The following RBFOX2 variants were observed in gnomAD, a reference collection of about 807,000 sequenced individuals.
RBFOX2 encodes the protein RNA binding protein fox-1 homolog 2.
In RBFOX2, 10 loss-of-function variants were observed where a neutral mutation model predicts 49.1. The observed-to-expected ratio is 0.20, with a 90% CI of 0.13 to 0.35. The LOEUF is 0.35. Among genes scored for constraint, RBFOX2 ranks in the 10% least tolerant of loss-of-function variants. The probability of loss-of-function intolerance (pLI) is 1.00; values close to 1 mark genes in which losing one functional copy is unlikely to be tolerated. For missense variants in RBFOX2, 323 were observed against 486.9 expected, an observed-to-expected ratio of 0.66 and a Z score of 3.17; for synonymous variants, 183 against 187.4, an observed-to-expected ratio of 0.98 and a Z score of 0.19.
At chr22:36,017,651 C>G (rs987222508) in intron 1 of RBFOX2, among the ~76,000 whole-genome samples, 1 of 152,196 alleles carries the variant, frequency 6.6e-6, no homozygotes, top group African/African-American at 2.4e-5. Context: ...GTAATACATG[C>G]GAACTGCTAC....
At chr22:35,810,659 C>T (rs1014003773) in intron 1 of RBFOX2, among the ~76,000 whole-genome samples, 4 of 152,080 alleles carry the variant, frequency 2.6e-5, no homozygotes, top group Non-Finnish European at 4.4e-5. Flanking sequence ...CAAAGTAAGT[C>T]CAAGTCTTTA....
intron 1 of RBFOX2, among the ~76,000 whole-genome samples, chr22:35,896,542 C>T (rs1197058052): frequency 6.6e-6 from 1 of 152,222 alleles, no homozygotes; most frequent in Non-Finnish European, 1.5e-5. Context: ...CTTTCACTCT[C>T]CCTACCTAAT....
intron 1 of RBFOX2, among the ~76,000 whole-genome samples, chr22:35,983,294 C>T (rs148843887): frequency 6.6e-4 from 101 of 152,258 alleles, no homozygotes; most frequent in African/African-American, 2.4e-3. Flanking sequence ...AGCTACTACC[C>T]GCCCCCTACC....
At chr22:35,829,578 G>C (rs995548897) in intron 1 of RBFOX2, among the ~76,000 whole-genome samples, 8 of 151,862 alleles carry the variant, frequency 5.3e-5, no homozygotes, top group Admixed American at 4.6e-4. Context: ...ACAGAGAGAG[G>C]GAGGGAAAAA....
At chr22:35,873,787 A>G (rs1224272149) in intron 1 of RBFOX2, among the ~76,000 whole-genome samples, 1 of 152,068 alleles carries the variant, frequency 6.6e-6, no homozygotes, top group African/African-American at 2.4e-5. Flanking sequence ...AATGGTTATC[A>G]TGCCTCAGTC....
intron 2 of RBFOX2, among the ~76,000 whole-genome samples, chr22:35,807,585 G>A (rs1951012896): frequency 6.6e-6 from 1 of 151,890 alleles, no homozygotes; most frequent in East Asian, 1.9e-4. Context: ...ATATTTTACG[G>A]TATGCAGCTA....
intron 1 of RBFOX2, among the ~76,000 whole-genome samples, chr22:35,827,969 T>C (rs1420068575): frequency 2.6e-5 from 4 of 152,056 alleles, no homozygotes; most frequent in Non-Finnish European, 5.9e-5. Flanking sequence ...GAGTTCGACC[T>C]GGCCAACAAG....
At chr22:35,878,434 C>T (rs896491854) in intron 1 of RBFOX2, among the ~76,000 whole-genome samples, 8 of 152,140 alleles carry the variant, frequency 5.3e-5, no homozygotes, top group African/African-American at 1.7e-4. Context: ...TACAGGGTCT[C>T]GCTCTGTCAC....
intron 1 of RBFOX2, among the ~76,000 whole-genome samples, chr22:35,825,720 C>T (rs1040161646): frequency 6.6e-6 from 1 of 152,152 alleles, no homozygotes; most frequent in African/African-American, 2.4e-5. Context: ...GTGGCTCACG[C>T]CTGTAATCCC....
At chr22:35,900,182 C>T (rs1321326538) in intron 1 of RBFOX2, among the ~76,000 whole-genome samples, 2 of 152,112 alleles carry the variant, frequency 1.3e-5, no homozygotes, top group African/African-American at 2.4e-5. Context: ...GGCATGATCT[C>T]GGCTCACTGC....
chr22:35,763,477 G>A (rs965132050), intron 6 of RBFOX2, among the ~76,000 whole-genome samples: 7 of 152,150 alleles, frequency 4.6e-5, no homozygotes, highest in East Asian at 1.9e-4. Context: ...CACGAGTATC[G>A]CTTGAACCCG....
intron 1 of RBFOX2, among the ~76,000 whole-genome samples, chr22:35,850,694 G>C (rs2041841030): frequency 6.6e-6 from 1 of 152,124 alleles, no homozygotes; most frequent in Admixed American, 6.5e-5. Flanking sequence ...ATTAAAAGCA[G>C]TAACAAACAT....
chr22:35,989,241 A>G (rs1463056865), intron 1 of RBFOX2, among the ~76,000 whole-genome samples: 2 of 152,246 alleles, frequency 1.3e-5, no homozygotes, highest in Non-Finnish European at 2.9e-5. Context: ...AGAAATATAT[A>G]TAACTTAAAA....
At chr22:35,878,782 G>A (rs1422999323) in intron 1 of RBFOX2, among the ~76,000 whole-genome samples, 1 of 152,028 alleles carries the variant, frequency 6.6e-6, no homozygotes, top group South Asian at 2.1e-4. Flanking sequence ...CCAGGCTGGA[G>A]TGCAGAGGCA....
At chr22:35,817,903 G>A (rs938819362) in intron 1 of RBFOX2, among the ~76,000 whole-genome samples, 5 of 151,336 alleles carry the variant, frequency 3.3e-5, no homozygotes, top group African/African-American at 1.2e-4. Context: ...GCAGTTACAG[G>A]CTTGGCCAAC....
intron 1 of RBFOX2, among the ~76,000 whole-genome samples, chr22:35,970,375 A>G (rs2056801133): frequency 6.6e-6 from 1 of 152,136 alleles, no homozygotes; most frequent in Non-Finnish European, 1.5e-5. Flanking sequence ...GTGGCTGGGC[A>G]TAGTGACTTA....
Position 35,817,368 on chromosome 22 carries a change from C to A in RBFOX2, c.28-7364G>T, listed in dbSNP as rs560830751. 3.4e-4 allele frequency among the ~76,000 whole-genome samples: 51 copies of A among 151,944 alleles called. 1 individual carries two copies. Among genetic ancestry groups the A allele is most frequent in the African/African-American group, 1.2e-3 (49 of 41,478 alleles). On this transcript the variant is annotated intron_variant, in intron 1 of 11. Coordinates refer to ENST00000405409, the Ensembl canonical transcript of RBFOX2. Reference sequence around the variant, plus strand: ...GGTGCACGTCTGTAATCCCAGCTACCTGGGAGGCTGAAGCACGAGAATCAC... The same window carrying A: ...GGTGCACGTCTGTAATCCCAGCTACATGGGAGGCTGAAGCACGAGAATCAC...
At chr22:35,915,968 A>G (rs367721476) in intron 1 of RBFOX2, among the ~76,000 whole-genome samples, 101 of 152,322 alleles carry the variant, frequency 6.6e-4, no homozygotes, top group African/African-American at 2.3e-3. Flanking sequence ...CTTTGTCTCT[A>G]TTCTTTAATC....
chr22:35,858,951 C>T (rs991373978), intron 1 of RBFOX2, among the ~76,000 whole-genome samples: 4 of 151,974 alleles, frequency 2.6e-5, no homozygotes, highest in African/African-American at 9.7e-5. Flanking sequence ...AATGAATCAC[C>T]ACATACAGAC....
Sources: allele counts gnomAD v4.1 joint callset (sites outside exome capture counted in the v4.1 genomes callset), GRCh38; gene constraint gnomAD v4.1.1; transcripts MANE v1.5; gene names NCBI Gene and HGNC (gene_info 2026-07-23, HGNC 2026-07-21).